Variants in WDFY2 observed in about 807,000 individuals in gnomAD.
WDFY2 encodes WD repeat and FYVE domain containing 2.
In WDFY2, 36 loss-of-function variants were observed where a neutral mutation model predicts 56.4. That is an observed-to-expected ratio of 0.64 (90% CI 0.49 to 0.84). The LOEUF (loss-of-function observed/expected upper bound fraction) is 0.84. Ranked by LOEUF, WDFY2 falls within the 40% of genes least tolerant of loss-of-function variation. WDFY2 has a pLI of 0.00. For synonymous variants in WDFY2, 176 were observed against 183.7 expected, an observed-to-expected ratio of 0.96 and a Z score of 0.34; for missense variants, 444 against 512.2, an observed-to-expected ratio of 0.87 and a Z score of 1.29.
intron 1 of WDFY2, chr13:51,588,559 T>G (rs1953986935): frequency 6.6e-6 from 1 of 152,078 alleles, no homozygotes; most frequent in South Asian, 2.1e-4. Flanking sequence ...ACCTCCTGCT[T>G]GTGGTGGTTA....
chr13:51,600,848 A>G (rs1334724114), intron 1 of WDFY2, among the ~76,000 whole-genome samples: 1 of 152,136 alleles, frequency 6.6e-6, no homozygotes, highest in Admixed American at 6.5e-5. Flanking sequence ...CGGAATAATG[A>G]ACACTCACAG....
intron 10 of WDFY2, 40 bp downstream of exon 10, chr13:51,756,502 G>A (rs758666728): frequency 8.8e-6 from 14 of 1,593,486 alleles, no homozygotes; most frequent in South Asian, 3.4e-5. Flanking sequence ...AGGTTAAGGC[G>A]AGAATTTAAT....
At chr13:51,670,491 A>G (rs867147213) in intron 2 of WDFY2, among the ~76,000 whole-genome samples, 540 of 27,216 alleles carry the variant, frequency 0.02, 1 homozygote, top group Middle Eastern at 0.053. Context: ...GCGCACATGC[A>G]CACACACACA....
chr13:51,642,597 G>A (rs61958302), intron 1 of WDFY2, among the ~76,000 whole-genome samples: 1 of 151,570 alleles, frequency 6.6e-6, no homozygotes, highest in Admixed American at 6.6e-5. Context: ...CCCAGCCAGA[G>A]GTTTTTATTT....
intron 4 of WDFY2, among the ~76,000 whole-genome samples, chr13:51,707,702 A>G (rs1952113400): frequency 6.6e-6 from 1 of 152,136 alleles, no homozygotes; most frequent in Non-Finnish European, 1.5e-5. Flanking sequence ...ATGGGAACTG[A>G]AAGGTTTTTT....
intron 3 of WDFY2, 54 bp downstream of exon 3, chr13:51,675,297 A>G (rs1955868086): frequency 2.0e-6 from 3 of 1,463,454 alleles, no homozygotes; most frequent in Non-Finnish European, 1.9e-6. Context: ...CCTGTGGAGT[A>G]TGTATATGTA....
At chr13:51,703,052 A>G (rs1454547560) in intron 3 of WDFY2, among the ~76,000 whole-genome samples, 1 of 152,174 alleles carries the variant, frequency 6.6e-6, no homozygotes, top group East Asian at 1.9e-4. Context: ...TTACATTGAG[A>G]AGTGCTTTTG....
At chr13:51,693,908 T>G (rs1408672962) in intron 3 of WDFY2, among the ~76,000 whole-genome samples, 2 of 152,124 alleles carry the variant, frequency 1.3e-5, no homozygotes, top group African/African-American at 2.4e-5. Flanking sequence ...TAGCTCTTCT[T>G]GTTGAATTGA....
Position 51,756,425 on chromosome 13 carries a change from G to A in WDFY2, c.1027G>A (p.Val343Ile). 6.2e-7 allele frequency: 1 copy of A among 1,614,114 alleles called. No homozygotes were observed. Among genetic ancestry groups the A allele is most frequent in the South Asian group, 1.1e-5 (1 of 91,072 alleles). Residue 343 changes from valine (V) to isoleucine (I), a missense_variant, in exon 10 of 12, where the codon GTC becomes ATC. By Grantham distance (29) the Val-to-Ile change is conservative. Transcript: ENST00000298125. ...GATGGGCTTCGAGTTTGAAGTGAGGGTCTGTGACAGCTGCCACGAGGCCAT... is the reference window on the plus strand; with the variant it reads ...GATGGGCTTCGAGTTTGAAGTGAGGATCTGTGACAGCTGCCACGAGGCCAT... ...PLMGFEFEVR[V>I]CDSCHEAITD...
chr13:51,730,403 G>A (rs1952697961), intron 6 of WDFY2, among the ~76,000 whole-genome samples: 1 of 152,200 alleles, frequency 6.6e-6, no homozygotes, highest in African/African-American at 2.4e-5. Context: ...TGACGCTGCT[G>A]GCTTTCTCAG....
chr13:51,717,497 G>A (rs973907846), intron 4 of WDFY2, among the ~76,000 whole-genome samples: 14 of 151,882 alleles, frequency 9.2e-5, no homozygotes, highest in Admixed American at 5.9e-4. Flanking sequence ...TATCATCTAG[G>A]GCTACTGTCA....
chr13:51,676,042 C>T (rs1955881602), intron 3 of WDFY2, among the ~76,000 whole-genome samples: 1 of 152,194 alleles, frequency 6.6e-6, no homozygotes, highest in Non-Finnish European at 1.5e-5. Flanking sequence ...CACACTTCCC[C>T]ACAGGGTGGA....
chr13:51,628,562 C>T lies in WDFY2; in HGVS notation c.138-32034C>T, dbSNP rs116670397. On this transcript the variant is annotated intron_variant, in intron 1 of 11. Coordinates refer to ENST00000298125, the MANE Select transcript of WDFY2 (RefSeq NM_052950.4). ...CCAACTCGGTAGGGGGCAGGGTTTC[C>T]GCCTGTTCCTTGCTCCCACTGGCCT... 2.6e-3 allele frequency among the ~76,000 whole-genome samples: 402 copies of T among 152,252 alleles called. 3 individuals carry two copies. Among genetic ancestry groups the T allele is most frequent in the African/African-American group, 8.8e-3 (367 of 41,536 alleles).
chr13:51,753,578 C>T (rs945191604), intron 8 of WDFY2, among the ~76,000 whole-genome samples: 1 of 152,104 alleles, frequency 6.6e-6, no homozygotes, highest in African/African-American at 2.4e-5. Flanking sequence ...TAACATTTTT[C>T]TCTACACATA....
Position 51,760,055 on chromosome 13 carries a change from TG to T in WDFY2, c.*290del, listed in dbSNP as rs1301881336. 5 of 326,326 alleles carry T rather than the reference TG, an allele frequency of 1.5e-5. No homozygotes were observed. The highest frequency in any genetic ancestry group is 2.2e-5 in the Non-Finnish European group (4 of 179,736). The allele number at this position is 326,326 out of a possible 1,614,324, so 20.2% of individuals were successfully genotyped here. A position where few individuals can be genotyped will look rare whatever the true frequency, so the allele number is the denominator to read the frequency against. On this transcript the variant is annotated 3_prime_UTR_variant, in exon 12 of 12. Coordinates refer to ENST00000298125, the MANE Select transcript of WDFY2 (RefSeq NM_052950.4). ...TTTTGAGTGTACCGAAAAATCTGTG[TG>T]GGGTGTTTAATTTTTATACTTTTCA...
intron 7 of WDFY2, among the ~76,000 whole-genome samples, chr13:51,745,164 T>C (rs1953065282): frequency 6.6e-6 from 1 of 152,126 alleles, no homozygotes; most frequent in South Asian, 2.1e-4. Flanking sequence ...GAGTTACGAG[T>C]CTGTGCAACT....
chr13:51,657,634 G>A (rs1955534675), intron 1 of WDFY2, among the ~76,000 whole-genome samples: 1 of 152,078 alleles, frequency 6.6e-6, no homozygotes, highest in Non-Finnish European at 1.5e-5. Context: ...CGCTCTGTTT[G>A]TTATTCTTTA....
intron 1 of WDFY2, among the ~76,000 whole-genome samples, chr13:51,628,217 CT>C (rs2138373132): frequency 6.6e-6 from 1 of 152,360 alleles, no homozygotes; most frequent in South Asian, 2.1e-4. Context: ...TCAGGCCCCA[CT>C]GGGCTCCCTC....
rs1378391094 is a variant in WDFY2 at position 51,703,576 on chromosome 13, AG to A, written c.280-19del. On this transcript the variant is annotated intron_variant, in intron 3 of 11. Transcript: ENST00000298125. ...CTTAAAGAATTTATTTTTGTTTAATAGTTTTCTTTTCTTTTACAGGAGTTTA... is the reference window on the plus strand; with the variant it reads ...CTTAAAGAATTTATTTTTGTTTAATATTTTCTTTTCTTTTACAGGAGTTTA... 1 of 1,548,042 alleles carries A rather than the reference AG, an allele frequency of 6.5e-7. No homozygotes were observed. The highest frequency in any genetic ancestry group is 2.3e-5 in the East Asian group (1 of 44,036).
Sources: gnomAD v4.1 joint callset for allele counts (sites outside exome capture counted in the v4.1 genomes callset) on GRCh38, gnomAD v4.1.1 for gene constraint, MANE v1.5 for transcripts, NCBI Gene and HGNC (gene_info 2026-07-23, HGNC 2026-07-21) for gene names.